Variants in DAAM1 observed in about 807,000 individuals in gnomAD.
DAAM1 encodes disheveled-associated activator of morphogenesis 1.
In DAAM1, 52 loss-of-function variants were observed where a neutral mutation model predicts 130.0. The observed-to-expected ratio is 0.40, with a 90% CI of 0.32 to 0.50. The LOEUF is 0.50. Among genes scored for constraint, DAAM1 ranks in the 20% least tolerant of loss-of-function variants. DAAM1 has a pLI of 0.61. For missense variants in DAAM1, 1,134 were observed against 1,303.8 expected, an observed-to-expected ratio of 0.87 and a Z score of 2.01; for synonymous variants, 452 against 444.5, an observed-to-expected ratio of 1.02 and a Z score of -0.21.
chr14:59,240,459 GA>G (rs1395405532), intron 1 of DAAM1, among the ~76,000 whole-genome samples: 1 of 151,940 alleles, frequency 6.6e-6, no homozygotes, highest in Non-Finnish European at 1.5e-5. Flanking sequence ...GCTTAAAGGG[GA>G]AAAAAGTTCA....
intron 1 of DAAM1, among the ~76,000 whole-genome samples, chr14:59,212,273 A>T (rs1888447241): frequency 1.3e-5 from 2 of 152,192 alleles, no homozygotes; most frequent in South Asian, 2.1e-4. Flanking sequence ...TCTGGTCGGG[A>T]GTTATAAACT....
chr14:59,190,156 G>A (rs940476905), intron 1 of DAAM1, among the ~76,000 whole-genome samples: 2 of 152,006 alleles, frequency 1.3e-5, no homozygotes, highest in African/African-American at 4.8e-5. Context: ...TGGCCCAGCT[G>A]CTCTCTCCTC....
chr14:59,353,787 G>A, intron 18 of DAAM1, 89 bp from the exon 19 acceptor site: 2 of 1,228,814 alleles, frequency 1.6e-6, no homozygotes, highest in Non-Finnish European at 2.3e-6. Context: ...TGGGGGAGGT[G>A]CTTCTAGGTA....
chr14:59,288,832 G>GGAGAGAGAGAGAGAGAGAGAGAGAGA lies in DAAM1; in HGVS notation c.184-2381_184-2356dup, dbSNP rs58762540. On this transcript the variant is annotated intron_variant, in intron 2 of 24. Transcript: ENST00000360909. The stretch of plus-strand genomic sequence containing the variant: ...GCAAGCACATTTTCCTGTGATAGCA[G>GGAGAGAGAGAGAGAGAGAGAGAGAGA]GAGAGAGAGAGAGAGAGAGAGAGAG... Among the ~76,000 whole-genome samples, 158 of 143,948 alleles carry GGAGAGAGAGAGAGAGAGAGAGAGAGA rather than the reference G, an allele frequency of 1.1e-3. 3 individuals are homozygous for GGAGAGAGAGAGAGAGAGAGAGAGAGA. The highest frequency in any genetic ancestry group is 4.1e-3 in the African/African-American group (153 of 36,880). 94.4% of individuals were successfully genotyped at this position (143,948 alleles called of 152,430 possible).
intron 2 of DAAM1, chr14:59,266,258 A>C (rs1054851224): frequency 2.6e-5 from 4 of 152,158 alleles, no homozygotes. Flanking sequence ...AAAGGAAAAA[A>C]AAAAAGTCAA....
At chr14:59,214,864 T>C (rs183283148) in intron 1 of DAAM1, among the ~76,000 whole-genome samples, 14 of 152,348 alleles carry the variant, frequency 9.2e-5, no homozygotes, top group Admixed American at 3.3e-4. Context: ...TACCTAAGTA[T>C]GGAGTTGCTG....
chr14:59,237,816 T>C (rs941263284), intron 1 of DAAM1, among the ~76,000 whole-genome samples: 1 of 152,036 alleles, frequency 6.6e-6, no homozygotes, highest in Non-Finnish European at 1.5e-5. Context: ...TTCCAGTGAG[T>C]CCCATATATT....
chr14:59,247,126 A>G (rs1293065227), intron 1 of DAAM1, among the ~76,000 whole-genome samples: 2 of 152,174 alleles, frequency 1.3e-5, no homozygotes, highest in Non-Finnish European at 2.9e-5. Context: ...CAGGTTTCCC[A>G]GCACCATTTG....
intron 3 of DAAM1, among the ~76,000 whole-genome samples, chr14:59,306,555 G>A (rs1490124960): frequency 6.6e-6 from 1 of 152,142 alleles, no homozygotes; most frequent in Non-Finnish European, 1.5e-5. Context: ...AAATGCTGCC[G>A]TGTCTTTGGG....
intron 1 of DAAM1, among the ~76,000 whole-genome samples, chr14:59,249,076 C>T (rs1027124433): frequency 1.3e-5 from 2 of 152,156 alleles, no homozygotes; most frequent in African/African-American, 2.4e-5. Flanking sequence ...CGTGAGCCAC[C>T]GCGCCTGGCC....
chr14:59,281,160 C>A (rs929621847), intron 2 of DAAM1, among the ~76,000 whole-genome samples: 10 of 152,272 alleles, frequency 6.6e-5, no homozygotes, highest in Admixed American at 5.9e-4. Context: ...GATCTTCCAC[C>A]CTCGGGGGGT....
At chr14:59,213,996 C>T (rs570203687) in intron 1 of DAAM1, among the ~76,000 whole-genome samples, 2 of 152,318 alleles carry the variant, frequency 1.3e-5, no homozygotes, top group African/African-American at 4.8e-5. Flanking sequence ...AACTTGCTAC[C>T]AAGATATCAG....
chr14:59,291,109 AAT>A (rs1429273590), intron 2 of DAAM1, 106 bp from the exon 3 acceptor site: 1 of 860,094 alleles, frequency 1.2e-6, no homozygotes, highest in Non-Finnish European at 1.8e-6. Flanking sequence ...AGTTCATTTA[AAT>A]ATGTGTTTGT....
At chr14:59,282,159 A>C (rs948706818) in intron 2 of DAAM1, among the ~76,000 whole-genome samples, 1 of 152,110 alleles carries the variant, frequency 6.6e-6, no homozygotes, top group African/African-American at 2.4e-5. Context: ...TCAGAACTCA[A>C]CTTAGTGTGT....
chr14:59,368,266 T>G (rs778072397), intron 24 of DAAM1, among the ~76,000 whole-genome samples: 1 of 152,134 alleles, frequency 6.6e-6, no homozygotes, highest in African/African-American at 2.4e-5. Context: ...AGCTAAGCCT[T>G]TGATATAAGG....
intron 1 of DAAM1, among the ~76,000 whole-genome samples, chr14:59,259,330 A>G (rs749062686): frequency 6.6e-6 from 1 of 152,204 alleles, no homozygotes; most frequent in Non-Finnish European, 1.5e-5. Flanking sequence ...AGCCCAGACC[A>G]TATCTAGTTA....
chr14:59,222,382 G>A (rs1888802331), intron 1 of DAAM1, among the ~76,000 whole-genome samples: 1 of 152,186 alleles, frequency 6.6e-6, no homozygotes, highest in Non-Finnish European at 1.5e-5. Context: ...AAAACACTGT[G>A]CCTTCCTTGA....
intron 3 of DAAM1, among the ~76,000 whole-genome samples, chr14:59,312,060 A>T (rs1172352191): frequency 6.6e-6 from 1 of 152,140 alleles, no homozygotes; most frequent in Non-Finnish European, 1.5e-5. Context: ...TATAGTGAAA[A>T]ATTTTCGTGA....
At chr14:59,208,668 GC>G (rs1371053965) in intron 1 of DAAM1, among the ~76,000 whole-genome samples, 1 of 152,000 alleles carries the variant, frequency 6.6e-6, no homozygotes, top group African/African-American at 2.4e-5. Context: ...CCATGAATAG[GC>G]ATCAATATCA....
Sources: allele counts gnomAD v4.1 joint callset (sites outside exome capture counted in the v4.1 genomes callset), GRCh38; gene constraint gnomAD v4.1.1; transcripts MANE v1.5; gene names NCBI Gene and HGNC (gene_info 2026-07-23, HGNC 2026-07-21).